Variants in NOS1 observed in about 807,000 individuals in gnomAD.
NOS1 encodes NOS type I.
Under a neutral mutation model 164.5 loss-of-function variants are expected in NOS1, and 51 were observed. The ratio of observed to expected loss-of-function variants is 0.31; its 90% CI spans 0.25 to 0.39. The LOEUF is 0.39. Among genes scored for constraint, NOS1 ranks in the 10% least tolerant of loss-of-function variants. The pLI, the probability that NOS1 is intolerant of heterozygous loss-of-function variation, is 1.00. For missense variants in NOS1, 1,362 were observed against 1,885.6 expected (o/e 0.72, Z 5.14); for synonymous variants, 719 against 745.8 (o/e 0.96, Z 0.59).
intron 7 of NOS1, among the ~76,000 whole-genome samples, chr12:117,283,983 G>A (rs979500057): frequency 2.0e-5 from 3 of 151,966 alleles, no homozygotes; most frequent in Admixed American, 2.0e-4. Flanking sequence ...GAGGTCTCTT[G>A]GAAAAGAGTT....
chr12:117,348,619 C>T (rs894025397), intron 1 of NOS1, among the ~76,000 whole-genome samples: 2 of 152,138 alleles, frequency 1.3e-5, no homozygotes, highest in African/African-American at 4.8e-5. Flanking sequence ...TCCACGAAAT[C>T]GTCGTATAAA....
In NOS1 at chr12:117,305,937, G is replaced by A. The variant is rs554605452; in HGVS notation, c.852+5529C>T. Among the ~76,000 whole-genome samples, 14 of 151,992 alleles carry A rather than the reference G, an allele frequency of 9.2e-5. No individual in the cohort carries two copies. In the East Asian group the frequency reaches 2.5e-3, roughly 27 times the overall value. On this transcript the variant is annotated intron_variant, in intron 3 of 28. Transcript: ENST00000317775. Reference sequence around the variant, plus strand: ...CTCCCGAGTAGCTAGGAGTACAGGTGTGTGCCTCACGCCTGGGCTCATTCT... The same window carrying A: ...CTCCCGAGTAGCTAGGAGTACAGGTATGTGCCTCACGCCTGGGCTCATTCT...
chr12:117,291,347 C>T (rs957981988), intron 3 of NOS1, among the ~76,000 whole-genome samples: 2 of 152,246 alleles, frequency 1.3e-5, no homozygotes, highest in South Asian at 4.2e-4. Flanking sequence ...CACTTACCGT[C>T]CCCTCTGTCT....
chr12:117,209,240 G>A lies in NOS1; in HGVS notation c.*6069C>T. 1.0e-6 allele frequency: 1 copy of A among 982,670 alleles called. No homozygotes were observed. The highest frequency in any genetic ancestry group is 1.1e-4 in the East Asian group (1 of 8,796). 60.9% of individuals were successfully genotyped at this position (982,670 alleles called of 1,614,324 possible). ...AGGGGTGTTGCCCCCTGGGGACATT[G>A]GGCAATGTCTGATGACATACTTGAT... On this transcript the variant is annotated 3_prime_UTR_variant, in exon 29 of 29. Coordinates refer to ENST00000317775, the MANE Select transcript of NOS1 (RefSeq NM_000620.5).
At chr12:117,254,724 G>A (rs1440052489) in intron 16 of NOS1, among the ~76,000 whole-genome samples, 2 of 152,196 alleles carry the variant, frequency 1.3e-5, no homozygotes, top group Non-Finnish European at 1.5e-5. Flanking sequence ...TCATAGCAGG[G>A]TGTCACTTGC....
At chr12:117,284,868 C>G (rs1025002905) in intron 7 of NOS1, among the ~76,000 whole-genome samples, 1 of 151,634 alleles carries the variant, frequency 6.6e-6, no homozygotes, top group Non-Finnish European at 1.5e-5. Context: ...TGGTCAACAT[C>G]ATGAAAGCCC....
Position 117,226,679 on chromosome 12 carries a change from T to C in NOS1, c.3704+4A>G. The C allele has an allele frequency of 3.1e-6, 5 of 1,613,382 alleles. No individual in the cohort carries two copies. The highest frequency in any genetic ancestry group is 4.2e-6 in the Non-Finnish European group (5 of 1,179,376). The stretch of plus-strand genomic sequence containing the variant: ...TTGCTCATTTTTCTCCACTTATTAC[T>C]CACCCTCTCACGAAACAGGGGACCA... On this transcript the variant is annotated splice_donor_region_variant and intron_variant, in intron 24 of 28. Transcript: ENST00000317775.
chr12:117,318,045 G>A (rs1874747025), intron 2 of NOS1, among the ~76,000 whole-genome samples: 1 of 152,176 alleles, frequency 6.6e-6, no homozygotes, highest in Non-Finnish European at 1.5e-5. Flanking sequence ...GGTGGCACCT[G>A]CCTATAGTCC....
At chr12:117,231,094 G>A (rs956033577) in intron 22 of NOS1, among the ~76,000 whole-genome samples, 8 of 152,054 alleles carry the variant, frequency 5.3e-5, no homozygotes, top group African/African-American at 1.9e-4. Context: ...TTGGGAGGCC[G>A]AGGTGGGTGG....
At chr12:117,292,047 G>A (rs950662600) in intron 3 of NOS1, among the ~76,000 whole-genome samples, 4 of 152,186 alleles carry the variant, frequency 2.6e-5, no homozygotes, top group African/African-American at 9.7e-5. Flanking sequence ...CAGTGACCTT[G>A]AGGCAGGGCA....
chr12:117,220,309 G>A, intron 26 of NOS1, 40 bp from the exon 27 acceptor site: 2 of 1,548,308 alleles, frequency 1.3e-6, no homozygotes, highest in Non-Finnish European at 1.7e-6. Flanking sequence ...GCTGGGCTGT[G>A]CAACGTGCCT....
At chr12:117,217,522 T>C (rs550637920) in intron 28 of NOS1, among the ~76,000 whole-genome samples, 42 of 152,132 alleles carry the variant, frequency 2.8e-4, no homozygotes, top group African/African-American at 9.9e-4. Context: ...CTGGCCAACA[T>C]GGCGAAACCC....
chr12:117,227,714 T>C, intron 22 of NOS1, 73 bp from the exon 23 acceptor site: 1 of 1,469,872 alleles, frequency 6.8e-7, no homozygotes, highest in Non-Finnish European at 9.5e-7. Flanking sequence ...CCTGAGGGGG[T>C]CCAGGAAGAA....
At chr12:117,250,390 G>A (rs1377435417) in intron 17 of NOS1, among the ~76,000 whole-genome samples, 1 of 146,164 alleles carries the variant, frequency 6.8e-6, no homozygotes, top group Non-Finnish European at 1.5e-5. Flanking sequence ...GTGCAGTGGT[G>A]TGATCTTGGC....
chr12:117,330,629 C>G lies in NOS1; in HGVS notation c.441G>C (p.Leu147=). 1.2e-6 allele frequency: 2 copies of G among 1,612,036 alleles called. No individual in the cohort carries two copies. Among genetic ancestry groups the G allele is most frequent in the Admixed American group, 3.3e-5 (2 of 59,980 alleles). ...CGGGACCCGAGGCCCCATCCACTGC[C>G]AGGGGCTGTTCTTTGCCGGCCGGTG... ...HQPPAGKEQP[L]AVDGASGPGN... Residue 147 remains leucine (L), a synonymous_variant, in exon 2 of 29, where the codon CTG becomes CTC. Transcript: ENST00000317775. This position sits in a 1 kb window ranked among gnomAD's most constrained non-coding sequence, Gnocchi z 4.6.
intron 28 of NOS1, among the ~76,000 whole-genome samples, chr12:117,217,716 C>T (rs1158465005): frequency 6.7e-6 from 1 of 149,484 alleles, no homozygotes; most frequent in Non-Finnish European, 1.5e-5. Context: ...AAAAAAAAAG[C>T]AACTTCCCAG....
At chr12:117,226,593 G>T (rs1432437112) in intron 24 of NOS1, 90 bp downstream of exon 24, 2 of 1,110,222 alleles carry the variant, frequency 1.8e-6, no homozygotes, top group Non-Finnish European at 2.7e-6. Flanking sequence ...CATCTCTCTA[G>T]AACCCTTCAG....
chr12:117,286,355 A>C (rs1206154568), intron 5 of NOS1, 89 bp from the exon 6 acceptor site: 1 of 1,411,352 alleles, frequency 7.1e-7, no homozygotes, highest in East Asian at 2.4e-5. Flanking sequence ...AGAGGCTGGA[A>C]GCTACAAAAA....
At chr12:117,320,561 A>G (rs186983944) in intron 2 of NOS1, among the ~76,000 whole-genome samples, 11 of 152,266 alleles carry the variant, frequency 7.2e-5, no homozygotes, top group South Asian at 6.2e-4. Flanking sequence ...CGTCAGAATG[A>G]TAAGGGAATA....
Sources: gnomAD v4.1 joint callset for allele counts (sites outside exome capture counted in the v4.1 genomes callset) on GRCh38, gnomAD v4.1.1 for gene constraint, Gnocchi (gnomAD v3.1) non-coding constraint, MANE v1.5 for transcripts, NCBI Gene and HGNC (gene_info 2026-07-23, HGNC 2026-07-21) for gene names.